Variants in ERC1 observed in about 807,000 individuals in gnomAD.
ERC1 encodes the protein RAB6 interacting protein 2.
Under a neutral mutation model 132.0 loss-of-function variants are expected in ERC1, and 56 were observed. That is an observed-to-expected ratio of 0.42 (90% confidence interval 0.34 to 0.53). ERC1 has a LOEUF of 0.53. Among genes scored for constraint, ERC1 ranks in the 20% least tolerant of loss-of-function variants. The pLI is 0.03. For missense variants in ERC1, 1,202 were observed against 1,349.9 expected (o/e 0.89, Z 1.72); for synonymous variants, 478 against 476.1 (o/e 1.00, Z -0.05).
At chr12:1,222,252 C>T (rs912368435) in intron 12 of ERC1, among the ~76,000 whole-genome samples, 2 of 146,778 alleles carry the variant, frequency 1.4e-5, no homozygotes, top group African/African-American at 5.1e-5. Flanking sequence ...TTTGAGGAGA[C>T]AGGGTCTCGC....
At chr12:1,191,766 T>A (rs888297034) in intron 12 of ERC1, among the ~76,000 whole-genome samples, 8 of 152,090 alleles carry the variant, frequency 5.3e-5, no homozygotes, top group African/African-American at 1.9e-4. Flanking sequence ...TTATAAAAGT[T>A]GGAAAAAGCA....
At chr12:1,072,015 C>T (rs1262613651) in intron 2 of ERC1, among the ~76,000 whole-genome samples, 2 of 151,606 alleles carry the variant, frequency 1.3e-5, no homozygotes, top group Admixed American at 6.6e-5. Flanking sequence ...GTATGAGAAT[C>T]GCTTGAACCT....
chr12:1,317,806 G>A lies in ERC1; in HGVS notation c.2780+27794G>A, dbSNP rs2081870853. 2.0e-5 allele frequency among the ~76,000 whole-genome samples: 3 copies of A among 152,234 alleles called. No homozygotes were observed. The South Asian group carries it at 6.2e-4, about 32-fold the overall frequency. On this transcript the variant is annotated intron_variant, in intron 15 of 18. Coordinates refer to ENST00000360905, the MANE Select transcript of ERC1 (RefSeq NM_178040.4). ...GAAAAACCAGCAAAGCAGCTTCAAA[G>A]CAGCAAAACACTCTCTATATACTTT...
intron 2 of ERC1, among the ~76,000 whole-genome samples, chr12:1,074,376 T>C (rs1171166680): frequency 6.6e-6 from 1 of 152,018 alleles, no homozygotes; most frequent in Non-Finnish European, 1.5e-5. Context: ...GGCGTGATCT[T>C]GGCATCCTCC....
intron 12 of ERC1, among the ~76,000 whole-genome samples, chr12:1,233,435 C>A (rs2075191689): frequency 7.1e-6 from 1 of 141,348 alleles, no homozygotes; most frequent in Non-Finnish European, 1.5e-5. Context: ...TGCGCCACTG[C>A]ACTCCAGCCT....
intron 18 of ERC1, among the ~76,000 whole-genome samples, chr12:1,483,651 C>T (rs921746767): frequency 7.4e-6 from 1 of 136,000 alleles, no homozygotes; most frequent in South Asian, 2.4e-4. Flanking sequence ...ATCAAAACTC[C>T]TTCCAGCCAC....
In ERC1 at chr12:1,285,418, T is replaced by C. The variant is rs552390802; in HGVS notation, c.2620-4434T>C. 2.0e-5 allele frequency among the ~76,000 whole-genome samples: 3 copies of C among 151,986 alleles called. No homozygotes were observed. The East Asian group carries it at 5.8e-4, about 29-fold the overall frequency. The stretch of plus-strand genomic sequence containing the variant: ...TCATTCTTTGAAAACACCAAGAAAG[T>C]CAGCTGGTCTTTGGTGAGACTAAAA... On this transcript the variant is annotated intron_variant, in intron 14 of 18. Transcript: ENST00000360905.
chr12:1,210,075 A>C (rs1957725571), intron 12 of ERC1, among the ~76,000 whole-genome samples: 1 of 152,328 alleles, frequency 6.6e-6, no homozygotes, highest in African/African-American at 2.4e-5. Flanking sequence ...ATAAAAGCAT[A>C]TTGAACAGTG....
intron 2 of ERC1, among the ~76,000 whole-genome samples, chr12:1,060,827 G>A (rs1430593789): frequency 6.6e-6 from 1 of 151,296 alleles, no homozygotes; most frequent in Non-Finnish European, 1.5e-5. Flanking sequence ...CTGGGTTCAC[G>A]CCATTCTCCT....
intron 12 of ERC1, among the ~76,000 whole-genome samples, chr12:1,192,080 A>G (rs1275781815): frequency 6.6e-6 from 1 of 152,230 alleles, no homozygotes; most frequent in Non-Finnish European, 1.5e-5. Flanking sequence ...TGTAAATTCC[A>G]GATCAATTTT....
intron 1 of ERC1, among the ~76,000 whole-genome samples, chr12:1,026,106 T>C (rs1391101911): frequency 1.3e-5 from 2 of 151,754 alleles, no homozygotes; most frequent in Non-Finnish European, 2.9e-5. Flanking sequence ...AGGAAAGAGG[T>C]TTAATGGACT....
intron 17 of ERC1, among the ~76,000 whole-genome samples, chr12:1,433,429 A>G (rs1453374517): frequency 2.6e-5 from 4 of 152,212 alleles, no homozygotes; most frequent in Non-Finnish European, 5.9e-5. Flanking sequence ...ACAGAAATAT[A>G]TGATCATTGA....
At chr12:1,211,956 A>G (rs1412521019) in intron 12 of ERC1, among the ~76,000 whole-genome samples, 1 of 151,764 alleles carries the variant, frequency 6.6e-6, no homozygotes, top group Non-Finnish European at 1.5e-5. Context: ...AATATAAACC[A>G]TAGTAGCTTG....
In ERC1 at chr12:1,492,911, G is replaced by GC; in HGVS notation, c.*2682dup. On this transcript the variant is annotated 3_prime_UTR_variant, in exon 19 of 19. Coordinates refer to ENST00000360905, the MANE Select transcript of ERC1 (RefSeq NM_178040.4). ...TCCTAGTGGTCATGGTTTCATATGG[G>GC]CATACAACTGCTACTGAAGTTATAT... 4.4e-6 allele frequency: 1 copy of GC among 228,616 alleles called. No individual in the cohort carries two copies. The highest frequency in any genetic ancestry group is 6.2e-5 in the East Asian group (1 of 16,018). The allele number at this position is 228,616 out of a possible 1,614,324, so 14.2% of individuals were successfully genotyped here. A position where few individuals can be genotyped will look rare whatever the true frequency, so the allele number is the denominator to read the frequency against.
chr12:1,179,048 T>G (rs1408859467), intron 8 of ERC1, among the ~76,000 whole-genome samples: 1 of 152,250 alleles, frequency 6.6e-6, no homozygotes, highest in Non-Finnish European at 1.5e-5. Flanking sequence ...CCTCATAGTT[T>G]GCTTGATTTT....
At chr12:1,169,416 C>T (rs1289192818) in intron 8 of ERC1, among the ~76,000 whole-genome samples, 2 of 152,218 alleles carry the variant, frequency 1.3e-5, no homozygotes, top group African/African-American at 4.8e-5. Context: ...CTTGGGACAA[C>T]AGCTTCAGAG....
intron 14 of ERC1, among the ~76,000 whole-genome samples, chr12:1,286,565 C>T (rs2079057163): frequency 1.3e-5 from 2 of 152,140 alleles, no homozygotes; most frequent in Admixed American, 6.5e-5. Flanking sequence ...CATGTCTGTA[C>T]AGCGTTGTAG....
At chr12:1,355,755 C>T (rs758253453) in intron 15 of ERC1, among the ~76,000 whole-genome samples, 1 of 152,142 alleles carries the variant, frequency 6.6e-6, no homozygotes, top group African/African-American at 2.4e-5. Context: ...AAACTGAATT[C>T]ACTCTACGAG....
At chr12:1,291,442 T>C (rs1458644651) in intron 15 of ERC1, among the ~76,000 whole-genome samples, 4 of 152,182 alleles carry the variant, frequency 2.6e-5, no homozygotes, top group Non-Finnish European at 4.4e-5. Flanking sequence ...GGACCCACCA[T>C]ATTTTAAAGG....
Sources: allele counts gnomAD v4.1 joint callset (sites outside exome capture counted in the v4.1 genomes callset), GRCh38; gene constraint gnomAD v4.1.1; transcripts MANE v1.5; gene names NCBI Gene and HGNC (gene_info 2026-07-23, HGNC 2026-07-21).